DLGAP2: variants seen among roughly 807,000 people sequenced by gnomAD.
DLGAP2 encodes the protein DLG associated protein 2, also known as disks large-associated protein 2.
A neutral mutation model predicts 100.3 loss-of-function variants in DLGAP2; 26 were observed. The ratio of observed to expected loss-of-function variants is 0.26; its 90% CI spans 0.19 to 0.36. The LOEUF (loss-of-function observed/expected upper bound fraction) is 0.36. Ranked by LOEUF, DLGAP2 falls within the 10% of genes least tolerant of loss-of-function variation. The probability of loss-of-function intolerance (pLI) is 1.00; values close to 1 mark genes in which losing one functional copy is unlikely to be tolerated. For missense variants in DLGAP2, 1,858 were observed against 1,453.2 expected (o/e 1.28, Z -4.53); for synonymous variants, 886 against 630.1 (o/e 1.41, Z -6.08).
chr8:1,340,620 A>G (rs1801396314), intron 3 of DLGAP2, among the ~76,000 whole-genome samples: 1 of 152,206 alleles, frequency 6.6e-6, no homozygotes, highest in South Asian at 2.1e-4. Flanking sequence ...ATGCTTACAC[A>G]CTGTTAGCTG....
intron 3 of DLGAP2, among the ~76,000 whole-genome samples, chr8:1,327,539 T>A (rs1801049449): frequency 6.6e-6 from 1 of 152,164 alleles, no homozygotes; most frequent in Non-Finnish European, 1.5e-5. Flanking sequence ...TTTAAATCTC[T>A]TGCAAGTGTA....
In DLGAP2 at chr8:1,644,174, C is replaced by T. The variant is rs116911676; in HGVS notation, c.1810+11128C>T. ...CCATTTTAAGTGCTCACCTGGGTGC[C>T]TCCTCAGCCTCCAGGGGCCTGGCAG... is the stretch of plus-strand genomic sequence containing the variant. On this transcript the variant is annotated intron_variant, in intron 8 of 14. Coordinates refer to ENST00000637795, the MANE Select transcript of DLGAP2 (RefSeq NM_001346810.2). Among the ~76,000 whole-genome samples the T allele has an allele frequency of 2.0e-3, 301 of 150,096 alleles. 2 individuals carry two copies. The Middle Eastern group carries it at 0.021, about 11-fold the overall frequency.
chr8:1,685,912 A>G (rs757570157), intron 12 of DLGAP2, among the ~76,000 whole-genome samples: 38 of 152,188 alleles, frequency 2.5e-4, no homozygotes, highest in Admixed American at 5.9e-4. Context: ...TATTATCACA[A>G]AGACAAAAAA....
intron 5 of DLGAP2, among the ~76,000 whole-genome samples, chr8:1,553,629 C>A (rs566228661): frequency 2.0e-4 from 31 of 152,302 alleles, no homozygotes; most frequent in South Asian, 1.2e-3. Context: ...TCCCTCCCTG[C>A]GTGTAAAGTG....
At chr8:875,964 A>C (rs1286711669) in intron 1 of DLGAP2, among the ~76,000 whole-genome samples, 1 of 152,202 alleles carries the variant, frequency 6.6e-6, no homozygotes, top group Non-Finnish European at 1.5e-5. Flanking sequence ...TACATCTCTT[A>C]ATGTTGCAAA....
chr8:775,232 G>C (rs944418299), intron 1 of DLGAP2, among the ~76,000 whole-genome samples: 9 of 152,020 alleles, frequency 5.9e-5, no homozygotes, highest in Admixed American at 6.6e-5. Context: ...TTGCTTATCA[G>C]CTTAAGGAGA....
chr8:982,883 ATTTTTTT>A (rs35686773), intron 2 of DLGAP2, among the ~76,000 whole-genome samples: 4 of 117,330 alleles, frequency 3.4e-5, no homozygotes, highest in East Asian at 2.6e-4. Context: ...TAAAGGTAGG[ATTTTTTT>A]TTTTTTTTTT....
chr8:1,245,798 G>GA (rs1038489908), intron 2 of DLGAP2, among the ~76,000 whole-genome samples: 10 of 152,028 alleles, frequency 6.6e-5, no homozygotes, highest in Non-Finnish European at 1.0e-4. Context: ...AGTTTTCCAG[G>GA]AAAAAAAGGG....
intron 3 of DLGAP2, among the ~76,000 whole-genome samples, chr8:1,417,546 A>G (rs1796937512): frequency 6.7e-6 from 1 of 148,538 alleles, no homozygotes; most frequent in Non-Finnish European, 1.5e-5. Context: ...TGCAATGGGG[A>G]TCCGAAGCCC....
At chr8:1,477,661 G>A (rs1798973485) in intron 3 of DLGAP2, among the ~76,000 whole-genome samples, 1 of 152,136 alleles carries the variant, frequency 6.6e-6, no homozygotes, top group South Asian at 2.1e-4. Flanking sequence ...CCAGGAATGT[G>A]CATCCAAAGT....
intron 3 of DLGAP2, among the ~76,000 whole-genome samples, chr8:1,454,046 A>T (rs1168985199): frequency 6.6e-6 from 1 of 152,206 alleles, no homozygotes; most frequent in African/African-American, 2.4e-5. Flanking sequence ...GAAAGTTAAC[A>T]CTGTTGAATG....
At chr8:980,469 G>A (rs1004498185) in intron 2 of DLGAP2, among the ~76,000 whole-genome samples, 3 of 152,202 alleles carry the variant, frequency 2.0e-5, no homozygotes, top group Non-Finnish European at 2.9e-5. Context: ...TCCATTTCCT[G>A]TGTCATCCTT....
chr8:860,195 G>A (rs546582969), intron 1 of DLGAP2, among the ~76,000 whole-genome samples: 3 of 152,124 alleles, frequency 2.0e-5, no homozygotes, highest in Admixed American at 6.5e-5. Flanking sequence ...CCTTACAGAC[G>A]GCCTTTCAGG....
chr8:819,680 C>T (rs1386374118), intron 1 of DLGAP2, among the ~76,000 whole-genome samples: 5 of 152,040 alleles, frequency 3.3e-5, no homozygotes, highest in Admixed American at 6.5e-5. Flanking sequence ...GAAAAGTAGG[C>T]GCATCCTCAG....
intron 3 of DLGAP2, among the ~76,000 whole-genome samples, chr8:1,325,949 G>A (rs569140785): frequency 7.0e-4 from 107 of 152,152 alleles, no homozygotes; most frequent in African/African-American, 1.8e-3. Context: ...ATCTTCCCCC[G>A]TAAGCTATAA....
chr8:988,369 ATTC>A (rs1267527244), intron 2 of DLGAP2, among the ~76,000 whole-genome samples: 1 of 152,178 alleles, frequency 6.6e-6, no homozygotes, highest in Non-Finnish European at 1.5e-5. Flanking sequence ...GTCATTCTTT[ATTC>A]TTCTCTCCGA....
chr8:924,210 G>A (rs1798769066), intron 2 of DLGAP2, among the ~76,000 whole-genome samples: 2 of 152,184 alleles, frequency 1.3e-5, no homozygotes, highest in African/African-American at 4.8e-5. Context: ...TGCTGATTAT[G>A]TCTTGAAGGA....
At chr8:789,713 C>T (rs1316022898) in intron 1 of DLGAP2, among the ~76,000 whole-genome samples, 1 of 152,224 alleles carries the variant, frequency 6.6e-6, no homozygotes, top group South Asian at 2.1e-4. Context: ...GCATTCCAGT[C>T]CTTTGGACGG....
At chr8:1,262,664 T>C (rs1392196502) in intron 3 of DLGAP2, 1 of 152,218 alleles carries the variant, frequency 6.6e-6, no homozygotes, top group African/African-American at 2.4e-5. Context: ...TGTTACCTTT[T>C]AGATAAAGGC....
Sources: gnomAD v4.1 joint callset for allele counts (sites outside exome capture counted in the v4.1 genomes callset) on GRCh38, gnomAD v4.1.1 for gene constraint, MANE v1.5 for transcripts, NCBI Gene and HGNC (gene_info 2026-07-23, HGNC 2026-07-21) for gene names.